The following ADAM22 variants were observed in gnomAD, a reference collection of about 807,000 sequenced individuals.
The protein encoded by ADAM22 is ADAM metallopeptidase domain 22, also known as disintegrin and metalloproteinase domain-containing protein 22.
Under a neutral mutation model 144.6 loss-of-function variants are expected in ADAM22, and 65 were observed. The observed-to-expected ratio is 0.45, with a 90% CI of 0.37 to 0.55. ADAM22 has a LOEUF of 0.55. Among genes scored for constraint, ADAM22 ranks in the 20% least tolerant of loss-of-function variants. ADAM22 has a pLI of 0.00. For missense variants in ADAM22, 974 were observed against 1,184.9 expected, an observed-to-expected ratio of 0.82 and a Z score of 2.61; for synonymous variants, 391 against 412.6, an observed-to-expected ratio of 0.95 and a Z score of 0.63.
At position 88,145,142 on chromosome 7, in the gene ADAM22, G is replaced by A; in HGVS notation, c.1338G>A (p.Glu446=). ...NKPSKLLDPP[E]CGNGFIETGE... The stretch of plus-strand genomic sequence containing the variant: ...CCTCACAGCTTCTTGATCCTCCTGA[G>A]TGTGGCAATGGCTTCATTGAAACTG... Residue 446 remains glutamate (E), a synonymous_variant, in exon 16 of 32, where the codon GAG becomes GAA. Transcript: ENST00000413139. 6.2e-7 allele frequency: 1 copy of A among 1,613,778 alleles called. No individual in the cohort carries two copies. Among genetic ancestry groups the A allele is most frequent in the South Asian group, 1.1e-5 (1 of 91,026 alleles).
chr7:88,158,922 A>G (rs2096243621), intron 22 of ADAM22, among the ~76,000 whole-genome samples: 1 of 152,120 alleles, frequency 6.6e-6, no homozygotes, highest in African/African-American at 2.4e-5. Context: ...GCTGACCTGA[A>G]AGAGACTGAG....
chr7:88,170,308 GAATTA>G (rs1252576497), intron 25 of ADAM22, among the ~76,000 whole-genome samples: 1 of 151,804 alleles, frequency 6.6e-6, no homozygotes, highest in African/African-American at 2.4e-5. Flanking sequence ...TTTAATAGAG[GAATTA>G]AATTCATGAA....
At chr7:87,986,766 C>A (rs1399265225) in intron 3 of ADAM22, among the ~76,000 whole-genome samples, 1 of 151,972 alleles carries the variant, frequency 6.6e-6, no homozygotes, top group Non-Finnish European at 1.5e-5. Flanking sequence ...TTTAATATGA[C>A]TTTTAGATAT....
At chr7:87,945,765 G>A (rs996997124) in intron 2 of ADAM22, among the ~76,000 whole-genome samples, 1 of 151,888 alleles carries the variant, frequency 6.6e-6, no homozygotes, top group East Asian at 1.9e-4. Context: ...CACCCGCCTC[G>A]GCCTCCCAAA....
chr7:87,943,751 C>T (rs1014509066), intron 2 of ADAM22, among the ~76,000 whole-genome samples: 2 of 152,118 alleles, frequency 1.3e-5, no homozygotes. Flanking sequence ...GAATAAAGAA[C>T]GTAAATCATT....
chr7:87,955,921 C>T (rs1382375078), intron 2 of ADAM22, among the ~76,000 whole-genome samples: 2 of 152,312 alleles, frequency 1.3e-5, no homozygotes, highest in East Asian at 1.9e-4. Flanking sequence ...GGGCGTAGGA[C>T]CCTCTGAGCC....
At chr7:87,988,659 C>A (rs560332474) in intron 3 of ADAM22, among the ~76,000 whole-genome samples, 1 of 152,238 alleles carries the variant, frequency 6.6e-6, no homozygotes, top group African/African-American at 2.4e-5. Flanking sequence ...TTATCCAATT[C>A]AAAATTATTG....
chr7:88,049,027 A>G (rs1400454737), intron 3 of ADAM22, among the ~76,000 whole-genome samples: 4 of 152,166 alleles, frequency 2.6e-5, no homozygotes. Context: ...TTCTCCCATG[A>G]CTTTTATTAC....
At chr7:87,948,268 A>G (rs1218738382) in intron 2 of ADAM22, among the ~76,000 whole-genome samples, 26 of 152,222 alleles carry the variant, frequency 1.7e-4, no homozygotes, top group Admixed American at 1.7e-3. Flanking sequence ...GTTGGGAACC[A>G]TCCCTGTAGC....
intron 3 of ADAM22, among the ~76,000 whole-genome samples, chr7:88,002,342 C>A (rs895603716): frequency 1.3e-5 from 2 of 152,060 alleles, no homozygotes; most frequent in Non-Finnish European, 1.5e-5. Flanking sequence ...AATCACAGGC[C>A]CATTCCTGTG....
chr7:88,017,899 T>G (rs1796912049), intron 3 of ADAM22, among the ~76,000 whole-genome samples: 1 of 152,084 alleles, frequency 6.6e-6, no homozygotes, highest in Non-Finnish European at 1.5e-5. Flanking sequence ...AAAAAAAATT[T>G]GTTTTACATT....
chr7:88,150,588 C>T (rs943401930), intron 18 of ADAM22, among the ~76,000 whole-genome samples: 12 of 151,950 alleles, frequency 7.9e-5, no homozygotes, highest in African/African-American at 2.9e-4. Flanking sequence ...GTTTATTGTC[C>T]CCTTCTCTTT....
chr7:88,043,662 G>A (rs1803753213), intron 3 of ADAM22, among the ~76,000 whole-genome samples: 2 of 151,758 alleles, frequency 1.3e-5, no homozygotes, highest in African/African-American at 4.8e-5. Context: ...CGATTGTGGA[G>A]TGCCCTCCAA....
At chr7:88,134,903 T>C (rs1206475850) in intron 13 of ADAM22, among the ~76,000 whole-genome samples, 1 of 152,144 alleles carries the variant, frequency 6.6e-6, no homozygotes, top group African/African-American at 2.4e-5. Context: ...TTTTCTCAAG[T>C]AGGTAAAGTC....
intron 4 of ADAM22, among the ~76,000 whole-genome samples, chr7:88,097,734 C>T (rs1170475564): frequency 6.6e-6 from 1 of 151,936 alleles, no homozygotes; most frequent in East Asian, 1.9e-4. Flanking sequence ...CAACAATCAT[C>T]TAGTCAGTTA....
intron 3 of ADAM22, among the ~76,000 whole-genome samples, chr7:88,020,360 G>A (rs967830654): frequency 9.2e-5 from 14 of 152,102 alleles, no homozygotes; most frequent in Non-Finnish European, 1.6e-4. Flanking sequence ...TTTTTAAGTC[G>A]CTTTGCCTGT....
At chr7:88,032,094 G>A (rs1800406513) in intron 3 of ADAM22, among the ~76,000 whole-genome samples, 1 of 152,236 alleles carries the variant, frequency 6.6e-6, no homozygotes, top group Admixed American at 6.5e-5. Flanking sequence ...GAAATGTGAT[G>A]TTAGAGCCCC....
rs1586702425 is a variant in ADAM22, at chr7:88,200,880, T to C, written c.*4389T>C. ...ACTTTGATAAACAGTTTCCCATTGATAGTATAATATAATGAGGGGCCCAGT... is the reference window on the plus strand; with the variant it reads ...ACTTTGATAAACAGTTTCCCATTGACAGTATAATATAATGAGGGGCCCAGT... On this transcript the variant is annotated 3_prime_UTR_variant, in exon 32 of 32. Coordinates refer to ENST00000413139, the MANE Select transcript of ADAM22 (RefSeq NM_001324418.2). 1.3e-5 allele frequency: 2 copies of C among 152,340 alleles called. No individual in the cohort carries two copies. The highest frequency in any genetic ancestry group is 2.9e-5 in the Non-Finnish European group (2 of 68,062). The allele number at this position is 152,340 out of a possible 1,614,324, so 9.4% of individuals were successfully genotyped here.
intron 3 of ADAM22, among the ~76,000 whole-genome samples, chr7:87,992,994 C>T (rs965913377): frequency 6.6e-6 from 1 of 152,126 alleles, no homozygotes; most frequent in Non-Finnish European, 1.5e-5. Flanking sequence ...AGGATCACCG[C>T]AGAACTGAGG....
Sources: gnomAD v4.1 joint callset for allele counts (sites outside exome capture counted in the v4.1 genomes callset) on GRCh38, gnomAD v4.1.1 for gene constraint, MANE v1.5 for transcripts, NCBI Gene and HGNC (gene_info 2026-07-23, HGNC 2026-07-21) for gene names.